The following PCSK2 variants were observed in gnomAD, a reference collection of about 807,000 sequenced individuals.
PCSK2 encodes the protein neuroendocrine convertase 2.
A neutral mutation model predicts 69.7 loss-of-function variants in PCSK2; 14 were observed. The ratio of observed to expected loss-of-function variants is 0.20; its 90% CI spans 0.13 to 0.31. The LOEUF (loss-of-function observed/expected upper bound fraction) is 0.31, where lower values mean the gene tolerates loss of function less well. Ranked by LOEUF, PCSK2 falls within the 10% of genes least tolerant of loss-of-function variation. The pLI is 1.00. For synonymous variants in PCSK2, 307 were observed against 320.7 expected (o/e 0.96, Z 0.46); for missense variants, 544 against 842.5 (o/e 0.65, Z 4.39).
At chr20:17,467,166 A>T (rs571805455) in intron 11 of PCSK2, among the ~76,000 whole-genome samples, 1 of 152,252 alleles carries the variant, frequency 6.6e-6, no homozygotes, top group Non-Finnish European at 1.5e-5. Flanking sequence ...CCAGACCTGA[A>T]TTCCAATCTT....
At chr20:17,333,944 A>ATAT (rs1990277316) in intron 2 of PCSK2, among the ~76,000 whole-genome samples, 10 of 78,780 alleles carry the variant, frequency 1.3e-4, no homozygotes, top group South Asian at 6.2e-4. Context: ...TATGGCTTCA[A>ATAT]ATCTAGATAG....
chr20:17,265,946 T>A (rs375251928), intron 2 of PCSK2, among the ~76,000 whole-genome samples: 2 of 152,324 alleles, frequency 1.3e-5, no homozygotes, highest in East Asian at 3.9e-4. Flanking sequence ...TCGTGACTCC[T>A]CTCAATACGA....
At chr20:17,474,564 T>G (rs574917195) in intron 11 of PCSK2, among the ~76,000 whole-genome samples, 1 of 152,296 alleles carries the variant, frequency 6.6e-6, no homozygotes, top group African/African-American at 2.4e-5. Context: ...TAGTTTCCCC[T>G]TCTCAGCCTC....
intron 1 of PCSK2, among the ~76,000 whole-genome samples, chr20:17,243,477 G>C (rs1469125944): frequency 6.6e-6 from 1 of 152,208 alleles, no homozygotes; most frequent in Non-Finnish European, 1.5e-5. Context: ...TGGAATTACA[G>C]GCCACCATAC....
intron 7 of PCSK2, 93 bp downstream of exon 7, chr20:17,429,616 A>AAATCCCTAGCTTTTCT: frequency 1.2e-6 from 1 of 805,142 alleles, no homozygotes; most frequent in African/African-American, 1.7e-5. Flanking sequence ...CTGGTGCAGA[A>AAATCCCTAGCTTTTCT]AAGCTAGGAT....
upstream of PCSK2, among the ~76,000 whole-genome samples, chr20:17,226,716 TG>T (rs1985916557): frequency 6.6e-6 from 1 of 151,396 alleles, no homozygotes; most frequent in Non-Finnish European, 1.5e-5. Flanking sequence ...TGATTACAGC[TG>T]GGGGGATTTT....
chr20:17,240,221 T>A (rs73253486), intron 1 of PCSK2, among the ~76,000 whole-genome samples: 4,193 of 152,060 alleles, frequency 0.028, 177 homozygotes, highest in African/African-American at 0.094. Context: ...GCAAGTCACA[T>A]GGCCAAGTTT....
chr20:17,238,005 G>C (rs866619081), intron 1 of PCSK2, among the ~76,000 whole-genome samples: 11 of 152,210 alleles, frequency 7.2e-5, no homozygotes, highest in African/African-American at 2.4e-4. Context: ...TGCTCAGACA[G>C]AGCAGAATTT....
intron 5 of PCSK2, among the ~76,000 whole-genome samples, chr20:17,370,835 A>G (rs2030737024): frequency 6.6e-6 from 1 of 152,170 alleles, no homozygotes; most frequent in African/African-American, 2.4e-5. Context: ...TGTGTCAGGC[A>G]GGGGATTGAG....
intron 5 of PCSK2, among the ~76,000 whole-genome samples, chr20:17,393,960 CT>C (rs2031449349): frequency 6.6e-6 from 1 of 152,174 alleles, no homozygotes; most frequent in South Asian, 2.1e-4. Flanking sequence ...TGGAAGCATG[CT>C]TGTGTTGCTC....
At chr20:17,261,574 G>A (rs1467582005) in intron 2 of PCSK2, among the ~76,000 whole-genome samples, 7 of 152,178 alleles carry the variant, frequency 4.6e-5, no homozygotes, top group Admixed American at 4.6e-4. Flanking sequence ...TGCCAGCCAA[G>A]GCCAAGTATT....
chr20:17,278,623 TGAC>T (rs1267010062), intron 2 of PCSK2, among the ~76,000 whole-genome samples: 2 of 152,086 alleles, frequency 1.3e-5, no homozygotes, highest in African/African-American at 4.8e-5. Context: ...TAATGCTAAA[TGAC>T]GAGTTAATGG....
chr20:17,290,864 G>A (rs1322597617), intron 2 of PCSK2, among the ~76,000 whole-genome samples: 2 of 152,108 alleles, frequency 1.3e-5, no homozygotes, highest in Non-Finnish European at 2.9e-5. Flanking sequence ...CATGGTGGAA[G>A]GGCAAGCAAG....
intron 2 of PCSK2, among the ~76,000 whole-genome samples, chr20:17,292,623 G>A (rs1051182802): frequency 1.3e-5 from 2 of 152,110 alleles, no homozygotes; most frequent in Non-Finnish European, 2.9e-5. Flanking sequence ...TTAGGAAGAG[G>A]AGAAATTGAT....
At chr20:17,283,419 G>A (rs1988393266) in intron 2 of PCSK2, among the ~76,000 whole-genome samples, 1 of 152,096 alleles carries the variant, frequency 6.6e-6, no homozygotes, top group African/African-American at 2.4e-5. Flanking sequence ...ATCTTACTTG[G>A]AGCACATTTT....
intron 6 of PCSK2, among the ~76,000 whole-genome samples, chr20:17,411,209 C>T (rs377004762): frequency 6.6e-6 from 1 of 152,228 alleles, no homozygotes; most frequent in Non-Finnish European, 1.5e-5. Context: ...ACTGAGGTAT[C>T]TGGTTCATCT....
chr20:17,271,689 ACC>A (rs1228477152), intron 2 of PCSK2, among the ~76,000 whole-genome samples: 1 of 152,108 alleles, frequency 6.6e-6, no homozygotes, highest in Non-Finnish European at 1.5e-5. Flanking sequence ...GCTAATTGTT[ACC>A]TCCAATAATG....
In PCSK2 at chr20:17,418,930, G is replaced by A. The variant is rs79555065; in HGVS notation, c.620+9591G>A. Among the ~76,000 whole-genome samples, 288 of 152,328 alleles carry A rather than the reference G, an allele frequency of 1.9e-3. 3 individuals carry two copies. The highest frequency in any genetic ancestry group is 6.5e-3 in the African/African-American group (270 of 41,566). ...GCCACACTGACTGCCACAAAGGCTA[G>A]TTACAATGCAGGAGCAATTGCTTCA... On this transcript the variant is annotated intron_variant, in intron 6 of 11. Coordinates refer to ENST00000262545, the MANE Select transcript of PCSK2 (RefSeq NM_002594.5).
chr20:17,260,292 C>T lies in PCSK2; in HGVS notation c.230C>T (p.Ala77Val). ...TTTTATCACAATGGCCTTGCAAAGGCCAAGAGAAGACGCAGCCTACACCAC... is the reference window on the plus strand; with the variant it reads ...TTTTATCACAATGGCCTTGCAAAGGTCAAGAGAAGACGCAGCCTACACCAC... Reference protein sequence around the residue: ...YHFYHNGLAKAKRRRSLHHKQ... With the variant: ...YHFYHNGLAKVKRRRSLHHKQ... Residue 77 changes from alanine (A) to valine (V), a missense_variant, in exon 2 of 12, where the codon GCC becomes GTC. By Grantham distance (64) the Ala-to-Val change is moderately conservative. This residue lies in a region of PCSK2 where 157 missense variants were observed against 155.0 expected (regional missense o/e 1.01). Transcript: ENST00000262545. 1 of 1,613,916 alleles carries T rather than the reference C, an allele frequency of 6.2e-7. No individual in the cohort carries two copies. The highest frequency in any genetic ancestry group is 8.5e-7 in the Non-Finnish European group (1 of 1,179,882).
Sources: allele counts gnomAD v4.1 joint callset (sites outside exome capture counted in the v4.1 genomes callset), GRCh38; gene constraint gnomAD v4.1.1; regional missense constraint gnomAD v4.1.1; transcripts MANE v1.5; gene names NCBI Gene and HGNC (gene_info 2026-07-23, HGNC 2026-07-21).